Variants in LINGO1 observed in about 807,000 individuals in gnomAD.
LINGO1 encodes leucine rich repeat and Ig domain containing 1.
LINGO1 carries 11 observed loss-of-function variants against 37.3 expected under a neutral mutation model. The ratio of observed to expected loss-of-function variants is 0.29; its 90% CI spans 0.19 to 0.49. The LOEUF is 0.49. Ranked by LOEUF, LINGO1 falls within the 20% of genes least tolerant of loss-of-function variation. The pLI, the probability that LINGO1 is intolerant of heterozygous loss-of-function variation, is 0.99. For synonymous variants in LINGO1, 387 were observed against 403.0 expected (o/e 0.96, Z 0.48); for missense variants, 585 against 878.2 (o/e 0.67, Z 4.22).
chr15:77,623,928 G>A (rs2074006784), intron 1 of LINGO1, among the ~76,000 whole-genome samples: 1 of 138,700 alleles, frequency 7.2e-6, no homozygotes, highest in Non-Finnish European at 1.5e-5. Context: ...ATGTGTGTGT[G>A]TGGACTGTGT....
intron 1 of LINGO1, among the ~76,000 whole-genome samples, chr15:77,756,262 C>T (rs936585007): frequency 2.0e-5 from 3 of 152,188 alleles, no homozygotes; most frequent in African/African-American, 7.2e-5. Context: ...CAATGCTTTA[C>T]AGTTATGGAG....
At chr15:77,754,788 C>A (rs2076404058) in intron 1 of LINGO1, among the ~76,000 whole-genome samples, 1 of 152,238 alleles carries the variant, frequency 6.6e-6, no homozygotes, top group South Asian at 2.1e-4. Context: ...TATCAGAGGG[C>A]CACGGTGAGG....
chr15:77,661,742 G>A (rs1196871850), intron 3 of LINGO1, among the ~76,000 whole-genome samples: 1 of 152,084 alleles, frequency 6.6e-6, no homozygotes, highest in Non-Finnish European at 1.5e-5. Flanking sequence ...TTTCCCTCCT[G>A]CCCTTCCCAG....
chr15:77,626,360 T>A (rs7165679), intron 1 of LINGO1, among the ~76,000 whole-genome samples: 27,584 of 152,120 alleles, frequency 0.18, 5,370 homozygotes, highest in African/African-American at 0.49. Flanking sequence ...TGAGTTCTGT[T>A]TAACATGGAC....
chr15:77,779,756 C>A (rs1409005640), intron 1 of LINGO1, among the ~76,000 whole-genome samples: 2 of 152,184 alleles, frequency 1.3e-5, no homozygotes, highest in Non-Finnish European at 2.9e-5. Flanking sequence ...CCTAACAGGG[C>A]CAGTCCCCCG....
chr15:77,755,080 TGA>T (rs2076406870), intron 1 of LINGO1, among the ~76,000 whole-genome samples: 5 of 152,200 alleles, frequency 3.3e-5, no homozygotes, highest in Admixed American at 6.5e-5. Context: ...ACAACTCCCT[TGA>T]GGCCAAGGCC....
chr15:77,754,173 G>A (rs2076397593), intron 1 of LINGO1, among the ~76,000 whole-genome samples: 2 of 150,240 alleles, frequency 1.3e-5, no homozygotes, highest in African/African-American at 2.5e-5. Flanking sequence ...GCAGAAGGGA[G>A]AGGGAGGGAG....
intron 1 of LINGO1, among the ~76,000 whole-genome samples, chr15:77,755,725 G>A (rs1207695064): frequency 6.6e-6 from 1 of 152,164 alleles, no homozygotes; most frequent in African/African-American, 2.4e-5. Flanking sequence ...CACCTACTAT[G>A]TGCTGGGCAT....
intron 3 of LINGO1, among the ~76,000 whole-genome samples, chr15:77,658,006 G>A (rs1048461817): frequency 1.7e-4 from 26 of 152,140 alleles, no homozygotes; most frequent in African/African-American, 5.6e-4. Flanking sequence ...TCTGTTTCCC[G>A]GGGGTGGGAG....
At chr15:77,711,957 C>T (rs1443019872) in intron 2 of LINGO1, among the ~76,000 whole-genome samples, 2 of 152,142 alleles carry the variant, frequency 1.3e-5, no homozygotes, top group Admixed American at 6.5e-5. Context: ...CCCTGCTCCT[C>T]GGGGCTCTTC....
At chr15:77,644,292 G>C (rs2074574570) in intron 3 of LINGO1, among the ~76,000 whole-genome samples, 1 of 152,332 alleles carries the variant, frequency 6.6e-6, no homozygotes, top group East Asian at 1.9e-4. Flanking sequence ...CCCATTCAGG[G>C]TTGCCCAGCT....
At chr15:77,628,564 T>C (rs553352843) in intron 1 of LINGO1, among the ~76,000 whole-genome samples, 33 of 152,174 alleles carry the variant, frequency 2.2e-4, no homozygotes, top group Admixed American at 1.3e-3. Context: ...GTGAAATACA[T>C]AATTTAGAGT....
intron 3 of LINGO1, among the ~76,000 whole-genome samples, chr15:77,665,299 C>T (rs2075105820): frequency 1.3e-5 from 2 of 152,212 alleles, no homozygotes; most frequent in Non-Finnish European, 2.9e-5. Flanking sequence ...TCCTGCCTTG[C>T]TCCATGCTTG....
chr15:77,809,755 C>G (rs2076988101), intron 1 of LINGO1, among the ~76,000 whole-genome samples: 1 of 152,204 alleles, frequency 6.6e-6, no homozygotes, highest in African/African-American at 2.4e-5. Context: ...GCTCTCAGAG[C>G]AGAGGACGCC....
At chr15:77,734,638 G>A (rs1027584470) in intron 2 of LINGO1, among the ~76,000 whole-genome samples, 4 of 151,720 alleles carry the variant, frequency 2.6e-5, no homozygotes, top group African/African-American at 9.7e-5. Flanking sequence ...CCTCCTCCAG[G>A]AGGAGCCTCC....
At chr15:77,813,810 A>G (rs947664650) in intron 1 of LINGO1, among the ~76,000 whole-genome samples, 5 of 152,234 alleles carry the variant, frequency 3.3e-5, no homozygotes, top group Middle Eastern at 3.2e-3. Flanking sequence ...CAAAGGGGAA[A>G]GCCGAGGCTC....
chr15:77,801,442 T>C (rs1596244734), intron 1 of LINGO1, among the ~76,000 whole-genome samples: 1 of 152,348 alleles, frequency 6.6e-6, no homozygotes, highest in Non-Finnish European at 1.5e-5. Context: ...TGTTGCTATA[T>C]GCCCCAAAAG....
intron 1 of LINGO1, among the ~76,000 whole-genome samples, chr15:77,626,023 A>T (rs2074078246): frequency 6.6e-6 from 1 of 152,160 alleles, no homozygotes; most frequent in South Asian, 2.1e-4. Context: ...TGAGGCTCTG[A>T]GCCATTAGTT....
chr15:77,651,776 C>A (rs1018193115), intron 3 of LINGO1: 1 of 152,182 alleles, frequency 6.6e-6, no homozygotes, highest in Non-Finnish European at 1.5e-5. Flanking sequence ...CAGTCTGGGG[C>A]AGTGCATGGC....
Sources: allele counts gnomAD v4.1 joint callset (sites outside exome capture counted in the v4.1 genomes callset), GRCh38; gene constraint gnomAD v4.1.1; transcripts MANE v1.5; gene names NCBI Gene and HGNC (gene_info 2026-07-23, HGNC 2026-07-21).